KALRN: variants seen among roughly 807,000 people sequenced by gnomAD.
The protein encoded by KALRN is kalirin RhoGEF kinase.
Under a neutral mutation model 353.7 loss-of-function variants are expected in KALRN, and 70 were observed. The ratio of observed to expected loss-of-function variants is 0.20; its 90% confidence interval spans 0.16 to 0.24. KALRN has a LOEUF of 0.24. Among genes scored for constraint, KALRN ranks in the 10% least tolerant of loss-of-function variants. The probability of loss-of-function intolerance (pLI) is 1.00; values close to 1 mark genes in which losing one functional copy is unlikely to be tolerated. For missense variants in KALRN, 2,791 were observed against 3,756.7 expected (o/e 0.74, Z 6.72); for synonymous variants, 1,391 against 1,434.8 (o/e 0.97, Z 0.69).
chr3:124,354,555 G>A (rs778345522), intron 10 of KALRN, among the ~76,000 whole-genome samples: 2 of 152,142 alleles, frequency 1.3e-5, no homozygotes, highest in Non-Finnish European at 2.9e-5. Flanking sequence ...TTACATAGGT[G>A]ACATAGAAAA....
At chr3:124,602,921 G>T (rs904879366) in intron 34 of KALRN, among the ~76,000 whole-genome samples, 40 of 135,060 alleles carry the variant, frequency 3.0e-4, no homozygotes, top group African/African-American at 1.1e-3. Flanking sequence ...GCTGGCCCCA[G>T]TTAATTCCAG....
At chr3:124,379,097 A>G (rs978533507) in intron 10 of KALRN, among the ~76,000 whole-genome samples, 3 of 152,076 alleles carry the variant, frequency 2.0e-5, no homozygotes, top group Non-Finnish European at 4.4e-5. Context: ...TTTTAAAATT[A>G]ATTTTTTCTC....
intron 1 of KALRN, among the ~76,000 whole-genome samples, chr3:124,116,338 G>A (rs895907792): frequency 3.3e-5 from 5 of 152,174 alleles, no homozygotes; most frequent in East Asian, 3.8e-4. Flanking sequence ...TTATCACTAA[G>A]TAATTTTTTT....
intron 33 of KALRN, among the ~76,000 whole-genome samples, chr3:124,516,636 T>TAAAAA (rs371660048): frequency 1.5e-4 from 18 of 118,772 alleles, no homozygotes; most frequent in South Asian, 5.6e-4. Context: ...AGCACATCTA[T>TAAAAA]AAAAAAAAAA....
intron 9 of KALRN, among the ~76,000 whole-genome samples, chr3:124,335,038 G>A (rs1253126118): frequency 3.9e-5 from 6 of 152,116 alleles, no homozygotes; most frequent in African/African-American, 9.7e-5. Flanking sequence ...CAGGTGACCC[G>A]CCCGCCTCGG....
chr3:124,589,886 T>A (rs2075600664), intron 34 of KALRN, among the ~76,000 whole-genome samples: 1 of 152,148 alleles, frequency 6.6e-6, no homozygotes, highest in East Asian at 1.9e-4. Context: ...AATACAGTAT[T>A]TTTTGTCAGA....
At chr3:124,685,964 A>G (rs1190348132) in intron 51 of KALRN, among the ~76,000 whole-genome samples, 1 of 151,860 alleles carries the variant, frequency 6.6e-6, no homozygotes, top group Non-Finnish European at 1.5e-5. Flanking sequence ...GTCAAAGTTC[A>G]CTCAGCGTGA....
chr3:124,677,220 A>T (rs2087292587), intron 49 of KALRN: 1 of 161,990 alleles, frequency 6.2e-6, no homozygotes, highest in African/African-American at 2.4e-5. Flanking sequence ...TACTTATTCC[A>T]GACAACAATT....
At chr3:124,319,296 T>C (rs934196163) in intron 6 of KALRN, among the ~76,000 whole-genome samples, 4 of 151,738 alleles carry the variant, frequency 2.6e-5, no homozygotes, top group African/African-American at 9.7e-5. Context: ...CTAGACTCCA[T>C]CTATAAGAAA....
chr3:124,595,102 A>G (rs765215626), intron 34 of KALRN, among the ~76,000 whole-genome samples: 1 of 152,140 alleles, frequency 6.6e-6, no homozygotes, highest in Non-Finnish European at 1.5e-5. Flanking sequence ...ATTTGAAAAT[A>G]CAGATAAGTG....
At position 124,701,560 on chromosome 3, in the gene KALRN, G is replaced by T. The variant is rs569106528; in HGVS notation, c.7997-478G>T. 2.8e-3 allele frequency among the ~76,000 whole-genome samples: 423 copies of T among 151,732 alleles called. 2 individuals are homozygous for T. The highest frequency in any genetic ancestry group is 3.7e-3 in the Non-Finnish European group (248 of 67,868). The stretch of plus-strand genomic sequence containing the variant: ...ACACCACCATACCTGGCTAGTTTTT[G>T]ATTTTTTTGTAGAGACAGGGTCTTG... On this transcript the variant is annotated intron_variant, in intron 56 of 59. Transcript: ENST00000682506.
chr3:124,707,754 C>A (rs933483244), intron 57 of KALRN, among the ~76,000 whole-genome samples: 1 of 152,176 alleles, frequency 6.6e-6, no homozygotes, highest in South Asian at 2.1e-4. Context: ...GGAAGCTAAA[C>A]CTCTGAGGGA....
In KALRN at chr3:124,422,838, A is replaced by T; in HGVS notation, c.2569A>T (p.Ile857Phe). ...AATTGAGTTGATCTGTGAAAAAGAC[A>T]TTGATCTGGCAGCCCAGGTGCAAGA... ...SGIELICEKD[I>F]DLAAQVQELL... Residue 857 changes from isoleucine to phenylalanine, a missense_variant, in exon 15 of 60, where the codon ATT becomes TTT. Transcript: ENST00000682506. 6.2e-7 allele frequency: 1 copy of T among 1,613,908 alleles called. No individual in the cohort carries two copies. The highest frequency in any genetic ancestry group is 1.1e-5 in the South Asian group (1 of 91,074).
In KALRN at chr3:124,422,841, G is replaced by A. The variant is rs776030651; in HGVS notation, c.2572G>A (p.Asp858Asn). The change falls in exon 15 of 60, where the codon GAT becomes AAT. Residue 858 changes from aspartate to asparagine, a missense_variant. This residue lies in a region of KALRN where 452 missense variants were observed against 575.8 expected (regional missense o/e 0.78). Coordinates refer to ENST00000682506, the MANE Select transcript of KALRN (RefSeq NM_001388419.1). ...GIELICEKDI[D>N]LAAQVQELLE... ...TGAGTTGATCTGTGAAAAAGACATT[G>A]ATCTGGCAGCCCAGGTGCAAGAGTT... The A allele has an allele frequency of 6.2e-6, 10 of 1,613,712 alleles. No individual in the cohort carries two copies. The South Asian group carries it at 9.9e-5, about 16-fold the overall frequency.
chr3:124,360,419 T>C (rs938540326), intron 10 of KALRN, among the ~76,000 whole-genome samples: 3 of 152,156 alleles, frequency 2.0e-5, no homozygotes, highest in African/African-American at 7.2e-5. Context: ...AGAGAGACAC[T>C]ATGAGACAAG....
At chr3:124,658,783 G>A (rs2084430036) in intron 42 of KALRN, among the ~76,000 whole-genome samples, 1 of 152,196 alleles carries the variant, frequency 6.6e-6, no homozygotes, top group Non-Finnish European at 1.5e-5. Context: ...TGAACACAGA[G>A]ATGGTTTGAG....
intron 1 of KALRN, among the ~76,000 whole-genome samples, chr3:124,208,947 CAG>C (rs2076657978): frequency 6.6e-6 from 1 of 151,930 alleles, no homozygotes; most frequent in African/African-American, 2.4e-5. Context: ...GCCTGGGTGA[CAG>C]AGTGAGACTC....
chr3:124,599,613 G>A (rs1172685054), intron 34 of KALRN, among the ~76,000 whole-genome samples: 2 of 152,216 alleles, frequency 1.3e-5, no homozygotes, highest in East Asian at 1.9e-4. Context: ...TTTGGGCAAT[G>A]CTGTAGACCT....
At chr3:124,349,341 G>C (rs2082607497) in intron 10 of KALRN, among the ~76,000 whole-genome samples, 1 of 152,228 alleles carries the variant, frequency 6.6e-6, no homozygotes, top group Admixed American at 6.5e-5. Context: ...GGGAGCTATT[G>C]TTTAATGCAA....
Sources: allele counts gnomAD v4.1 joint callset (sites outside exome capture counted in the v4.1 genomes callset), GRCh38; gene constraint gnomAD v4.1.1; regional missense constraint gnomAD v4.1.1; transcripts MANE v1.5; gene names NCBI Gene and HGNC (gene_info 2026-07-23, HGNC 2026-07-21).